The following CPNE7 variants were observed in gnomAD, a reference collection of about 807,000 sequenced individuals.
The protein encoded by CPNE7 is copine 7, also known as copine-7.
Under a neutral mutation model 66.5 loss-of-function variants are expected in CPNE7, and 78 were observed. The observed-to-expected ratio is 1.17, with a 90% CI of 0.98 to 1.42. The LOEUF (loss-of-function observed/expected upper bound fraction) is 1.42. Ranked by LOEUF, CPNE7 falls within the 40% of genes most tolerant of loss-of-function variation. The pLI is 0.00. For missense variants in CPNE7, 1,012 were observed against 776.6 expected (o/e 1.30, Z -3.60); for synonymous variants, 468 against 336.7 (o/e 1.39, Z -4.27).
intron 13 of CPNE7, among the ~76,000 whole-genome samples, chr16:89,591,690 CTTTCT>C (rs944126582): frequency 1.2e-4 from 19 of 152,092 alleles, no homozygotes; most frequent in Admixed American, 1.1e-3. Context: ...CAGCCTGCTG[CTTTCT>C]TTTCTTTTCT....
chr16:89,593,118 G>A (rs537571631), intron 13 of CPNE7, among the ~76,000 whole-genome samples: 68 of 151,868 alleles, frequency 4.5e-4, no homozygotes, highest in Middle Eastern at 3.4e-3. Context: ...CACCTGGCCT[G>A]TAACCATTTT....
At chr16:89,592,699 C>A (rs990839092) in intron 13 of CPNE7, among the ~76,000 whole-genome samples, 2 of 151,670 alleles carry the variant, frequency 1.3e-5, no homozygotes, top group African/African-American at 4.8e-5. Context: ...GCCTCGGCCT[C>A]CCAAAGTGCT....
rs763027012 is a variant in CPNE7, at chr16:89,584,836, G to A, written c.570G>A (p.Leu190=). ...ACAGGGTCAACGACGACCAGGGCTTGCAGCTGGTGTACAGGACGGAGGTGA... is the reference window on the plus strand; with the variant it reads ...ACAGGGTCAACGACGACCAGGGCTTACAGCTGGTGTACAGGACGGAGGTGA... ...ELYRVNDDQG[L]QLVYRTEVVK... Residue 190 remains leucine, a synonymous_variant, in exon 5 of 15, where the codon TTG becomes TTA. Coordinates refer to ENST00000319518, the MANE Select transcript of CPNE7 (RefSeq NM_153636.3). The surrounding 1 kb of genome is among the most constrained non-coding windows in gnomAD (Gnocchi z 6.0). 1.2e-6 allele frequency: 2 copies of A among 1,613,588 alleles called. No homozygotes were observed. The highest frequency in any genetic ancestry group is 1.7e-6 in the Non-Finnish European group (2 of 1,179,926).
At chr16:89,593,089 T>C (rs2059200369) in intron 13 of CPNE7, among the ~76,000 whole-genome samples, 1 of 151,712 alleles carries the variant, frequency 6.6e-6, no homozygotes, top group African/African-American at 2.4e-5. Context: ...TGGGATGGGA[T>C]TACAGGTGTG....
chr16:89,583,809 G>T, intron 3 of CPNE7, 38 bp downstream of exon 3: 1 of 1,605,992 alleles, frequency 6.2e-7, no homozygotes, highest in South Asian at 1.1e-5. Context: ...TGCAGGCCCT[G>T]CTGCTGTGGC....
In CPNE7 at chr16:89,575,919, G is replaced by C. The variant is rs1234071206; in HGVS notation, c.22G>C (p.Gly8Arg). The C allele has an allele frequency of 2.4e-6, 3 of 1,251,902 alleles. No homozygotes were observed. In the African/African-American group the frequency reaches 4.7e-5, roughly 20 times the overall value. 77.5% of individuals were successfully genotyped at this position (1,251,902 alleles called of 1,614,324 possible). A position where few individuals can be genotyped will look rare whatever the true frequency, so the allele number is the denominator to read the frequency against. MSAGSER[G>R]AAATPGGLPA... ...GAGCATGAGCGCGGGCTCGGAGCGCGGGGCGGCGGCAACCCCCGGGGGTTT... is the reference window on the plus strand; with the variant it reads ...GAGCATGAGCGCGGGCTCGGAGCGCCGGGCGGCGGCAACCCCCGGGGGTTT... Residue 8 changes from glycine (G) to arginine (R), a missense_variant, in exon 1 of 15, where the codon GGG becomes CGG. By Grantham distance (125) the Gly-to-Arg change is moderately radical. Transcript: ENST00000319518.
In CPNE7 at chr16:89,576,074, A is replaced by G; in HGVS notation, c.174+3A>G. ...AGGCGCAGGGCCAGTGGGTGCAGGT[A>G]GGGCCGGGGCGTGGGAGGCCGAGAG... On this transcript the variant is annotated splice_donor_region_variant and intron_variant, in intron 1 of 14. Coordinates refer to ENST00000319518, the MANE Select transcript of CPNE7 (RefSeq NM_153636.3). The G allele has an allele frequency of 7.9e-7, 1 of 1,263,062 alleles. No homozygotes were observed. The highest frequency in any genetic ancestry group is 1.0e-6 in the Non-Finnish European group (1 of 1,003,952). The allele number at this position is 1,263,062 out of a possible 1,614,324, so 78.2% of individuals were successfully genotyped here.
At chr16:89,596,369 G>T in intron 14 of CPNE7, 115 bp from the exon 15 acceptor site, 1 of 1,393,674 alleles carries the variant, frequency 7.2e-7, no homozygotes, top group Non-Finnish European at 9.6e-7. Context: ...TCTGGTGGGG[G>T]TGGGTAGTCA....
chr16:89,596,197 C>T (rs1178920314), intron 14 of CPNE7, among the ~76,000 whole-genome samples: 1 of 152,262 alleles, frequency 6.6e-6, no homozygotes, highest in African/African-American at 2.4e-5. Flanking sequence ...CAGACACGCT[C>T]AGGCTTTGCC....
intron 13 of CPNE7, 89 bp from the exon 14 acceptor site, chr16:89,595,278 A>C (rs1474498414): frequency 3.1e-5 from 34 of 1,086,786 alleles, no homozygotes; most frequent in Non-Finnish European, 3.4e-5. Context: ...GCACGGAGGC[A>C]CTCTGGGCTG....
intron 2 of CPNE7, among the ~76,000 whole-genome samples, chr16:89,578,052 CT>C (rs992402318): frequency 5.0e-5 from 7 of 140,046 alleles, no homozygotes; most frequent in African/African-American, 1.8e-4. Context: ...CCTCTTTTTT[CT>C]TTTTTTTCTT....
Position 89,585,796 on chromosome 16 carries a change from C to T in CPNE7, c.780+11C>T, listed in dbSNP as rs756475600. On this transcript the variant is annotated intron_variant, in intron 7 of 14. Transcript: ENST00000319518. ...TTTGAGGAGGGGCAGGTGAGCAGGA[C>T]GGGGTAGGGGGTCCTCCAGGGAGGG... 70 of 608,388 alleles carry T rather than the reference C, an allele frequency of 1.2e-4. No homozygotes were observed. The Admixed American group carries it at 1.2e-3, about 11-fold the overall frequency. The allele number at this position is 608,388 out of a possible 1,614,324, so 37.7% of individuals were successfully genotyped here. A position where few individuals can be genotyped will look rare whatever the true frequency, so the allele number is the denominator to read the frequency against.
At position 89,580,791 on chromosome 16, in the gene CPNE7, G is replaced by A. The variant is rs376617478; in HGVS notation, c.358-2906G>A. Among the ~76,000 whole-genome samples the A allele has an allele frequency of 4.0e-3, 494 of 122,724 alleles. 8 individuals carry two copies. The highest frequency in any genetic ancestry group is 0.015 in the African/African-American group (472 of 30,848). The allele number at this position is 122,724 out of a possible 152,430, so 80.5% of individuals were successfully genotyped here. A position where few individuals can be genotyped will look rare whatever the true frequency, so the allele number is the denominator to read the frequency against. On this transcript the variant is annotated intron_variant, in intron 2 of 14. Coordinates refer to ENST00000319518, the MANE Select transcript of CPNE7 (RefSeq NM_153636.3). ...CCCGCTGACACAGAACATCTCACCC[G>A]TCACACGGAACATCCCGTCACCTGT...
At chr16:89,577,810 C>A (rs2058884444) in intron 2 of CPNE7, 89 bp downstream of exon 2, 1 of 1,399,244 alleles carries the variant, frequency 7.1e-7, no homozygotes, top group Non-Finnish European at 9.6e-7. Context: ...CCGCAGGGAC[C>A]CTGCTGGGGT....
rs141398937 is a variant in CPNE7, at chr16:89,583,974, G to A, written c.433-54G>A. ...CAGCCTGGGGCCTCTGGTCCCCCAC[G>A]GTGGGGTCAGGCCCCACCTGGCCAA... On this transcript the variant is annotated intron_variant, in intron 3 of 14. Coordinates refer to ENST00000319518, the MANE Select transcript of CPNE7 (RefSeq NM_153636.3). 1.0e-3 allele frequency: 1,591 copies of A among 1,591,988 alleles called. 22 individuals are homozygous for A. In the East Asian group the frequency reaches 0.025, roughly 25 times the overall value.
Position 89,592,905 on chromosome 16 carries a change from C to T in CPNE7, c.1302+1645C>T, listed in dbSNP as rs558021041. Among the ~76,000 whole-genome samples the T allele has an allele frequency of 4.7e-5, 7 of 149,356 alleles. No individual in the cohort carries two copies. The East Asian group carries it at 5.9e-4, about 13-fold the overall frequency. The stretch of plus-strand genomic sequence containing the variant: ...TCGGCTCACTGCAAGCTCCGCCTCC[C>T]GGGTTCACGCCATTCTCCTGACTCA... On this transcript the variant is annotated intron_variant, in intron 13 of 14. Transcript: ENST00000319518.
intron 9 of CPNE7, chr16:89,587,599 AC>A: frequency 2.2e-6 from 1 of 444,534 alleles, no homozygotes; most frequent in South Asian, 1.6e-5. Context: ...GTTTGAGTGA[AC>A]CAGCCACAGT....
In CPNE7 at chr16:89,587,221, C is replaced by T. The variant is rs1308367678; in HGVS notation, c.927+119C>T. On this transcript the variant is annotated intron_variant, in intron 9 of 14. Coordinates refer to ENST00000319518, the MANE Select transcript of CPNE7 (RefSeq NM_153636.3). ...CTCAGTCTGTGGCCCCGCCCATCCC[C>T]GCCCCCTCAGTCCGTGGCCCCGCCC... 135 of 387,460 alleles carry T rather than the reference C, an allele frequency of 3.5e-4. 1 individual carries two copies. In the African/African-American group the frequency reaches 5.8e-3, roughly 17 times the overall value. 24.0% of individuals were successfully genotyped at this position (387,460 alleles called of 1,614,324 possible).
Position 89,596,965 on chromosome 16 carries a change from C to T in CPNE7, c.*344C>T. On this transcript the variant is annotated 3_prime_UTR_variant, in exon 15 of 15. Coordinates refer to ENST00000319518, the MANE Select transcript of CPNE7 (RefSeq NM_153636.3). ...ACTGGGGGCTCTGCTTTGCGTCTAACCTTTGTGGGGGAGGGCCAGCAAGGC... is the reference window on the plus strand; with the variant it reads ...ACTGGGGGCTCTGCTTTGCGTCTAATCTTTGTGGGGGAGGGCCAGCAAGGC... 1 of 203,680 alleles carries T rather than the reference C, an allele frequency of 4.9e-6. No individual in the cohort carries two copies. Among genetic ancestry groups the T allele is most frequent in the Non-Finnish European group, 9.7e-6 (1 of 102,902 alleles). The allele number at this position is 203,680 out of a possible 1,614,324, so 12.6% of individuals were successfully genotyped here. A position where few individuals can be genotyped will look rare whatever the true frequency, so the allele number is the denominator to read the frequency against.
Sources: gnomAD v4.1 joint callset for allele counts (sites outside exome capture counted in the v4.1 genomes callset) on GRCh38, gnomAD v4.1.1 for gene constraint, Gnocchi (gnomAD v3.1) non-coding constraint, MANE v1.5 for transcripts, NCBI Gene and HGNC (gene_info 2026-07-23, HGNC 2026-07-21) for gene names.